Variants in MYL6B observed in about 807,000 individuals in gnomAD.
The protein encoded by MYL6B is myosin alkali light chain 1 slow a.
A neutral mutation model predicts 24.5 loss-of-function variants in MYL6B; 19 were observed. That is an observed-to-expected ratio of 0.78 (90% CI 0.54 to 1.14). MYL6B has a LOEUF of 1.14. MYL6B is among the 50% of genes most tolerant of loss of function. MYL6B has a pLI of 0.00. For synonymous variants in MYL6B, 90 were observed against 100.7 expected, an observed-to-expected ratio of 0.89 and a Z score of 0.64; for missense variants, 230 against 263.8, an observed-to-expected ratio of 0.87 and a Z score of 0.89.
At chr12:56,155,110 C>T (rs754862733) in exon 4 of MYL6B, 2 of 1,614,084 alleles carry the variant, frequency 1.2e-6, no homozygotes, top group Non-Finnish European at 1.7e-6. Context: ...AGATCCTGTA[C>T]AGCCAGTGTG....
At chr12:56,155,354 G>C in intron 4 of MYL6B, 65 bp from the exon 5 acceptor site, 3 of 1,607,508 alleles carry the variant, frequency 1.9e-6, no homozygotes, top group Non-Finnish European at 2.5e-6. Flanking sequence ...CATTGTGGTA[G>C]GGTTGGGAGC....
At chr12:56,157,892 G>T in exon 7 of MYL6B, 3 of 745,958 alleles carry the variant, frequency 4.0e-6, no homozygotes, top group Non-Finnish European at 6.4e-6. Flanking sequence ...ATCCAGTGGG[G>T]TCCGGACACT....
chr12:56,155,651 C>T, intron 5 of MYL6B, 59 bp downstream of exon 5: 1 of 1,609,926 alleles, frequency 6.2e-7, no homozygotes, highest in East Asian at 2.2e-5. Context: ...TGGGGTGGGC[C>T]AGAAAGACTG....
At chr12:56,153,249 G>A (rs1169740944) in intron 1 of MYL6B, among the ~76,000 whole-genome samples, 1 of 152,084 alleles carries the variant, frequency 6.6e-6, no homozygotes, top group Non-Finnish European at 1.5e-5. Context: ...CTGGGCACAG[G>A]AGACAATGAG....
chr12:56,154,828 G>A (rs749274809), exon 3 of MYL6B: 6 of 1,612,938 alleles, frequency 3.7e-6, no homozygotes, highest in Non-Finnish European at 5.1e-6. Flanking sequence ...GTTTAACAAG[G>A]ACCAGCTGGA....
At chr12:56,157,370 C>T in intron 5 of MYL6B, 98 bp from the exon 6 acceptor site, 1 of 1,169,648 alleles carries the variant, frequency 8.5e-7, no homozygotes, top group Admixed American at 2.2e-5. Flanking sequence ...GCCTGAGCGA[C>T]AGGAGCGAAA....
chr12:56,157,926 T>A (rs916448591), exon 7 of MYL6B: 5 of 619,260 alleles, frequency 8.1e-6, no homozygotes, highest in African/African-American at 1.8e-5. Context: ...GAAAGCACGT[T>A]CCAGCCACCA....
chr12:56,157,252 C>T (rs972437840), intron 5 of MYL6B: 8 of 509,452 alleles, frequency 1.6e-5, no homozygotes, highest in African/African-American at 7.7e-5. Context: ...AAAAATTAGC[C>T]GGGCGCCTGT....
chr12:56,153,434 TGG>T (rs1871183869), intron 1 of MYL6B: 2 of 985,902 alleles, frequency 2.0e-6, no homozygotes, highest in South Asian at 4.7e-5. Context: ...GCTGGGCAGA[TGG>T]GCTTCTTGTT....
rs766206251 is a variant in MYL6B, at chr12:56,155,620, C to G, written c.520+28C>G. The G allele has an allele frequency of 3.1e-6, 5 of 1,611,352 alleles. No individual in the cohort carries two copies. The East Asian group carries it at 1.1e-4, about 36-fold the overall frequency. On this transcript the variant is annotated intron_variant, in intron 5 of 6. Transcript: ENST00000553066. ...GAGGCAGGCAAGGGGGACCAGAACT[C>G]CTTTAGAGTGGAGAGGGGGATGGGG...
chr12:56,153,535 A>T (rs1216128231), intron 1 of MYL6B: 1 of 955,552 alleles, frequency 1.0e-6, no homozygotes, highest in African/African-American at 1.8e-5. Context: ...CTTCAAGAAG[A>T]CTAAAGCTGC....
chr12:56,153,883 C>T (rs566029819), exon 2 of MYL6B: 1 of 1,556,470 alleles, frequency 6.4e-7, no homozygotes, highest in South Asian at 1.2e-5. Flanking sequence ...AGATGGGTGC[C>T]CCCATCCGCA....
intron 1 of MYL6B, 156 bp from the exon 2 acceptor site, chr12:56,153,714 GGAA>G: frequency 1.9e-6 from 1 of 532,940 alleles, no homozygotes; most frequent in Non-Finnish European, 3.2e-6. Flanking sequence ...GGGGACAGAG[GGAA>G]GAAGACCTTG....
chr12:56,157,258 C>T (rs531165610), intron 5 of MYL6B: 479 of 528,264 alleles, frequency 9.1e-4, no homozygotes, highest in Middle Eastern at 2.1e-3. Context: ...TAGCCGGGCG[C>T]CTGTAATCCC....
At chr12:56,155,271 G>A in intron 4 of MYL6B, 73 bp downstream of exon 4, 1 of 1,560,640 alleles carries the variant, frequency 6.4e-7, no homozygotes, top group African/African-American at 1.4e-5. Flanking sequence ...AAAGAATGAG[G>A]TGGATCTCAG....
At chr12:56,157,952 T>C (rs1478511463) in exon 7 of MYL6B, 2 of 596,940 alleles carry the variant, frequency 3.4e-6, no homozygotes, top group East Asian at 2.8e-5. Context: ...CCACCTATTG[T>C]TTCAAAATAA....
exon 4 of MYL6B, chr12:56,155,115 A>G (rs891843222): frequency 6.2e-7 from 1 of 1,614,128 alleles, no homozygotes; most frequent in African/African-American, 1.3e-5. Context: ...CTGTACAGCC[A>G]GTGTGGGGAC....
At chr12:56,157,400 AG>A in intron 5 of MYL6B, 67 bp from the exon 6 acceptor site, 1 of 1,421,764 alleles carries the variant, frequency 7.0e-7, no homozygotes, top group Non-Finnish European at 9.7e-7. Flanking sequence ...AAAAAAAAAA[AG>A]GAAAAGCGTG....
At position 56,157,749 on chromosome 12, in the gene MYL6B, A is replaced by T; in HGVS notation, c.*23A>T. 1 of 1,609,166 alleles carries T rather than the reference A, an allele frequency of 6.2e-7. No individual in the cohort carries two copies. The highest frequency in any genetic ancestry group is 8.5e-7 in the Non-Finnish European group (1 of 1,179,604). The stretch of plus-strand genomic sequence containing the variant: ...TGAGTGCTGCAGGTAGGGCCCTCCC[A>T]CCCCTTCGCCGCGCCTTACGAGGCA... On this transcript the variant is annotated 3_prime_UTR_variant, in exon 7 of 7. Transcript: ENST00000553066.
Sources: gnomAD v4.1 joint callset for allele counts (sites outside exome capture counted in the v4.1 genomes callset) on GRCh38, gnomAD v4.1.1 for gene constraint, MANE v1.5 for transcripts, NCBI Gene and HGNC (gene_info 2026-07-23, HGNC 2026-07-21) for gene names.